Variants in TECPR1 observed in about 807,000 individuals in gnomAD.
The protein encoded by TECPR1 is tectonin beta-propeller repeat-containing protein 1.
TECPR1 carries 122 observed loss-of-function variants against 162.4 expected under a neutral mutation model. That is an observed-to-expected ratio of 0.75 (90% CI 0.65 to 0.87). The LOEUF is 0.87. Among genes scored for constraint, TECPR1 ranks in the 40% least tolerant of loss-of-function variants. The pLI, the probability that TECPR1 is intolerant of heterozygous loss-of-function variation, is 0.00. For missense variants in TECPR1, 1,432 were observed against 1,618.2 expected, an observed-to-expected ratio of 0.88 and a Z score of 1.97; for synonymous variants, 642 against 670.6, an observed-to-expected ratio of 0.96 and a Z score of 0.66.
rs771726976 is a variant in TECPR1 at position 98,233,550 on chromosome 7, G to T, written c.1543C>A (p.Leu515Met). The part of the protein sequence containing the change: ...GFPETTSLSS[L>M]GLLPLGLEEP... ...TCCAAGCCCAGTGGGAGGAGCCCCA[G>T]AGAGGAGAGGCTGGTGGTCTCGGGG... The change falls in exon 11 of 26, where the codon CTG (leucine) becomes ATG (methionine). Residue 515 changes from leucine to methionine, a missense_variant. Leu to Met is a conservative substitution (Grantham distance 15). Coordinates refer to ENST00000447648, the MANE Select transcript of TECPR1 (RefSeq NM_015395.3). The T allele has an allele frequency of 2.5e-6, 4 of 1,595,322 alleles. No individual in the cohort carries two copies. The highest frequency in any genetic ancestry group is 1.1e-5 in the South Asian group (1 of 88,992).
At chr7:98,222,103 CCAGCA>C (rs2116535740) in intron 22 of TECPR1, among the ~76,000 whole-genome samples, 1 of 152,340 alleles carries the variant, frequency 6.6e-6, no homozygotes, top group African/African-American at 2.4e-5. Context: ...GAAGAACAAG[CCAGCA>C]CAGCCCGTCC....
intron 10 of TECPR1, among the ~76,000 whole-genome samples, chr7:98,235,530 A>AG (rs1433419160): frequency 6.7e-6 from 1 of 148,842 alleles, no homozygotes; most frequent in East Asian, 2.0e-4. Context: ...GTCTAAAAAA[A>AG]AAAAAAAAAA....
intron 2 of TECPR1, among the ~76,000 whole-genome samples, chr7:98,248,388 C>T (rs985655578): frequency 6.6e-5 from 10 of 152,010 alleles, no homozygotes; most frequent in African/African-American, 2.4e-4. Flanking sequence ...CAAAAGGAGA[C>T]AGGCAGAGTT....
intron 8 of TECPR1, among the ~76,000 whole-genome samples, chr7:98,239,995 G>T (rs1297335010): frequency 6.6e-6 from 1 of 151,982 alleles, no homozygotes; most frequent in African/African-American, 2.4e-5. Flanking sequence ...CTGTAGCCCC[G>T]CTACGAGGGA....
rs765569294 is a variant in TECPR1 at position 98,235,827 on chromosome 7, C to CAAAAAAAAAAAAAA, written c.1181+935_1181+948dup. ...CCTGGATGACAGAGTGAGACTGTCT[C>CAAAAAAAAAAAAAA]AAAAAAAAAAAAAAAAAAAAAAAAC... On this transcript the variant is annotated intron_variant, in intron 10 of 25. Coordinates refer to ENST00000447648, the MANE Select transcript of TECPR1 (RefSeq NM_015395.3). Among the ~76,000 whole-genome samples, 66 of 36,596 alleles carry CAAAAAAAAAAAAAA rather than the reference C, an allele frequency of 1.8e-3. 6 individuals are homozygous for CAAAAAAAAAAAAAA. Among genetic ancestry groups the CAAAAAAAAAAAAAA allele is most frequent in the African/African-American group, 4.5e-3 (65 of 14,542 alleles). 24.0% of individuals were successfully genotyped at this position (36,596 alleles called of 152,430 possible).
Position 98,218,002 on chromosome 7 carries a change from C to T in TECPR1, c.3198G>A (p.Pro1066=), listed in dbSNP as rs377595090. The change falls in exon 24 of 26, where the codon CCG becomes CCA. Residue 1066 remains proline, a synonymous_variant. Coordinates refer to ENST00000447648, the MANE Select transcript of TECPR1 (RefSeq NM_015395.3). ...WYRQGITPSY[P]QGSSWEHVSN... is the part of the protein sequence containing the mutation. ...ACACGTGCTCCCAGCTGGAGCCCTG[C>T]GGGTAGCTGGGCGTGATCCCTTGGC... 5.7e-4 allele frequency: 888 copies of T among 1,567,942 alleles called. 10 individuals are homozygous for T. Among genetic ancestry groups the T allele is most frequent in the South Asian group, 4.8e-3 (406 of 85,048 alleles).
At position 98,244,575 on chromosome 7, in the gene TECPR1, G is replaced by T; in HGVS notation, c.527C>A (p.Ala176Asp). ...YRRYKSRDIW[A>D]KIPSKDDPKE... Reference sequence around the variant, plus strand: ...CCCACATTCAGGAACAGAGACCTTGGCCCAGATGTCCCGGGACTTGTATCT... The same window carrying T: ...CCCACATTCAGGAACAGAGACCTTGTCCCAGATGTCCCGGGACTTGTATCT... The change falls in exon 5 of 26, where the codon GCC (alanine) becomes GAC (aspartate). Residue 176 changes from alanine (A) to aspartate (D), a missense_variant. Transcript: ENST00000447648. 1 of 1,606,986 alleles carries T rather than the reference G, an allele frequency of 6.2e-7. No homozygotes were observed. Among genetic ancestry groups the T allele is most frequent in the Non-Finnish European group, 8.5e-7 (1 of 1,175,452 alleles).
Position 98,240,866 on chromosome 7 carries a change from G to A in TECPR1, c.918C>T (p.Val306=), listed in dbSNP as rs1351094757. 5.6e-6 allele frequency: 9 copies of A among 1,605,026 alleles called. 1 individual carries two copies. In the South Asian group the frequency reaches 1.0e-4, roughly 18 times the overall value. The change falls in exon 8 of 26, where the codon GTC becomes GTT. Residue 306 remains valine (V), a synonymous_variant. Coordinates refer to ENST00000447648, the MANE Select transcript of TECPR1 (RefSeq NM_015395.3). ...ISVGVSVVWA[V]TKDWKVWFRR... Reference sequence around the variant, plus strand: ...CCCATCTTACCTTCCAGTCCTTGGTGACAGCCCAGACCACGCTGACTCCCA... The same window carrying A: ...CCCATCTTACCTTCCAGTCCTTGGTAACAGCCCAGACCACGCTGACTCCCA...
intron 17 of TECPR1, among the ~76,000 whole-genome samples, chr7:98,225,630 T>A (rs887270262): frequency 6.6e-6 from 1 of 152,066 alleles, no homozygotes; most frequent in Non-Finnish European, 1.5e-5. Context: ...TTCTTTCCCT[T>A]TCTCTCTTGC....
intron 17 of TECPR1, among the ~76,000 whole-genome samples, chr7:98,225,432 G>A (rs1798256320): frequency 6.6e-6 from 1 of 152,160 alleles, no homozygotes; most frequent in Non-Finnish European, 1.5e-5. Context: ...CTACTCAGGA[G>A]GCTGAGGCAG....
chr7:98,246,627 G>T (rs1363399512), intron 2 of TECPR1, among the ~76,000 whole-genome samples: 6 of 151,156 alleles, frequency 4.0e-5, no homozygotes, highest in African/African-American at 1.2e-4. Context: ...TGTTGCCCAG[G>T]CTGGAGTGCA....
In TECPR1 at chr7:98,217,451, C is replaced by T; in HGVS notation, c.3437G>A (p.Ser1146Asn). The T allele has an allele frequency of 6.2e-7, 1 of 1,610,208 alleles. No individual in the cohort carries two copies. The highest frequency in any genetic ancestry group is 1.1e-5 in the South Asian group (1 of 90,642). Reference protein sequence around the residue: ...VRANATRAPRSSSQEQEPSAP... With the variant: ...VRANATRAPRNSSQEQEPSAP... ...ACTCGGCTCCTGCTCCTGGGACGAG[C>T]TCCGGGGGGCCCTGGTGGCATTGGC... The change falls in exon 26 of 26, where the codon AGC becomes AAC. Residue 1146 changes from serine to asparagine, a missense_variant. Coordinates refer to ENST00000447648, the MANE Select transcript of TECPR1 (RefSeq NM_015395.3).
chr7:98,233,184 G>T, intron 11 of TECPR1: 1 of 780,422 alleles, frequency 1.3e-6, no homozygotes, highest in Non-Finnish European at 1.9e-6. Context: ...ACAGGGGAGG[G>T]GCTGCAGACA....
Position 98,222,986 on chromosome 7 carries a change from T to C in TECPR1, c.2928+4A>G. On this transcript the variant is annotated splice_donor_region_variant and intron_variant, in intron 21 of 25. Coordinates refer to ENST00000447648, the MANE Select transcript of TECPR1 (RefSeq NM_015395.3). ...AGAAGAATCTGTCTGGCCCCGGCAC[T>C]CACCGCAGGGTTGAGCTCCGACACG... The C allele has an allele frequency of 1.1e-5, 18 of 1,611,538 alleles. No homozygotes were observed. The highest frequency in any genetic ancestry group is 1.5e-5 in the Non-Finnish European group (18 of 1,179,454).
chr7:98,249,987 T>C (rs1799021489), intron 2 of TECPR1, among the ~76,000 whole-genome samples: 1 of 151,890 alleles, frequency 6.6e-6, no homozygotes, highest in Non-Finnish European at 1.5e-5. Flanking sequence ...TTCATTTCCA[T>C]AATAGTCTCT....
At chr7:98,222,558 G>A (rs1458754243) in intron 21 of TECPR1, 37 bp from the exon 22 acceptor site, 2 of 1,546,984 alleles carry the variant, frequency 1.3e-6, no homozygotes, top group Non-Finnish European at 1.7e-6. Flanking sequence ...GGTCACCAGG[G>A]CCCCCACCCC....
Position 98,218,078 on chromosome 7 carries a change from C to A in TECPR1, c.3158-36G>T, listed in dbSNP as rs377343993. 150 of 1,510,372 alleles carry A rather than the reference C, an allele frequency of 9.9e-5. 1 individual carries two copies. The African/African-American group carries it at 1.7e-3, about 17-fold the overall frequency. 93.6% of individuals were successfully genotyped at this position (1,510,372 alleles called of 1,614,324 possible). ...AAGCAGTGAGGGTCAAAGGGGAAGA[C>A]CTTCCCGGCCCCTCCTGCCCGTGCG... On this transcript the variant is annotated intron_variant, in intron 23 of 25. Coordinates refer to ENST00000447648, the MANE Select transcript of TECPR1 (RefSeq NM_015395.3).
Position 98,251,378 on chromosome 7 carries a change from C to A in TECPR1, c.-20+16G>T, listed in dbSNP as rs542095069. On this transcript the variant is annotated intron_variant, in intron 2 of 25. Coordinates refer to ENST00000447648, the MANE Select transcript of TECPR1 (RefSeq NM_015395.3). ...AGGAAAAGACACAGTACAAAGAACG[C>A]TCCGCAAGCACTTACTTCCTCTGAG... The A allele has an allele frequency of 6.6e-5, 10 of 152,270 alleles. No individual in the cohort carries two copies. The highest frequency in any genetic ancestry group is 6.5e-4 in the Admixed American group (10 of 15,286). The allele number at this position is 152,270 out of a possible 1,614,324, so 9.4% of individuals were successfully genotyped here.
chr7:98,222,879 C>T, intron 21 of TECPR1, 111 bp downstream of exon 21: 1 of 1,393,916 alleles, frequency 7.2e-7, no homozygotes, highest in Non-Finnish European at 9.9e-7. Flanking sequence ...ACTCGGACCA[C>T]AGGCAGTGTC....
Sources: gnomAD v4.1 joint callset for allele counts (sites outside exome capture counted in the v4.1 genomes callset) on GRCh38, gnomAD v4.1.1 for gene constraint, MANE v1.5 for transcripts, NCBI Gene and HGNC (gene_info 2026-07-23, HGNC 2026-07-21) for gene names.